Variants in ZNF385D observed in about 807,000 individuals in gnomAD.
ZNF385D encodes zinc finger protein 659.
In ZNF385D, 15 loss-of-function variants were observed where a neutral mutation model predicts 35.8. The ratio of observed to expected loss-of-function variants is 0.42; its 90% CI spans 0.28 to 0.64. The LOEUF (loss-of-function observed/expected upper bound fraction) is 0.64. Among genes scored for constraint, ZNF385D ranks in the 30% least tolerant of loss-of-function variants. ZNF385D has a pLI of 0.23. For missense variants in ZNF385D, 474 were observed against 494.6 expected (o/e 0.96, Z 0.39); for synonymous variants, 212 against 186.8 (o/e 1.13, Z -1.10).
chr3:21,449,532 G>C (rs977100341), intron 4 of ZNF385D, among the ~76,000 whole-genome samples: 1 of 152,104 alleles, frequency 6.6e-6, no homozygotes, highest in African/African-American at 2.4e-5. Context: ...TTGTATAGCT[G>C]TTTTTTATTA....
intron 3 of ZNF385D, among the ~76,000 whole-genome samples, chr3:22,122,766 G>C (rs998032174): frequency 7.2e-5 from 11 of 152,164 alleles, no homozygotes; most frequent in Non-Finnish European, 1.3e-4. Context: ...CATGCTAAAG[G>C]GGGTGAAGAA....
intron 1 of ZNF385D, among the ~76,000 whole-genome samples, chr3:21,706,171 C>T (rs1315567931): frequency 1.3e-5 from 2 of 152,118 alleles, no homozygotes; most frequent in Non-Finnish European, 2.9e-5. Context: ...AGGACAAAAA[C>T]AGAACAGATT....
chr3:21,700,816 G>C (rs1249734232), intron 1 of ZNF385D, among the ~76,000 whole-genome samples: 1 of 152,186 alleles, frequency 6.6e-6, no homozygotes, highest in Non-Finnish European at 1.5e-5. Flanking sequence ...AAATGTACAG[G>C]TAAGACATCC....
chr3:22,223,957 T>C lies in ZNF385D; in HGVS notation c.107-54922A>G, dbSNP rs1368725096. Among the ~76,000 whole-genome samples, 7 of 152,284 alleles carry C rather than the reference T, an allele frequency of 4.6e-5. No individual in the cohort carries two copies. In the East Asian group the frequency reaches 1.2e-3, roughly 25 times the overall value. On this transcript the variant is annotated intron_variant, in intron 2 of 5. Transcript: ENST00000494108. Reference sequence around the variant, plus strand: ...TGCCTATTTTATTCACCATCATACATGGCCTATTTCCAGCATTTGGTGCCT... The same window carrying C: ...TGCCTATTTTATTCACCATCATACACGGCCTATTTCCAGCATTTGGTGCCT...
At chr3:22,230,630 C>T (rs1559467059) in intron 2 of ZNF385D, among the ~76,000 whole-genome samples, 1 of 152,176 alleles carries the variant, frequency 6.6e-6, no homozygotes, top group Non-Finnish European at 1.5e-5. Context: ...TTCAACCCTA[C>T]ATTAATTGTT....
At chr3:21,749,012 C>G (rs1372766666) in intron 1 of ZNF385D, among the ~76,000 whole-genome samples, 1 of 152,056 alleles carries the variant, frequency 6.6e-6, no homozygotes, top group Non-Finnish European at 1.5e-5. Flanking sequence ...CCGAAAGAAA[C>G]AGCATTCCTG....
intron 4 of ZNF385D, among the ~76,000 whole-genome samples, chr3:21,495,362 C>G (rs904887513): frequency 4.0e-5 from 6 of 151,862 alleles, no homozygotes; most frequent in Admixed American, 2.0e-4. Flanking sequence ...ACATAAGTTC[C>G]AACAGCACAA....
chr3:22,172,367 T>C (rs910513598), intron 2 of ZNF385D, among the ~76,000 whole-genome samples: 1 of 152,256 alleles, frequency 6.6e-6, no homozygotes, highest in Non-Finnish European at 1.5e-5. Context: ...ACACATAAGA[T>C]GACTCATTTT....
intron 3 of ZNF385D, among the ~76,000 whole-genome samples, chr3:22,081,305 G>A (rs1346662414): frequency 6.6e-6 from 1 of 151,974 alleles, no homozygotes; most frequent in Non-Finnish European, 1.5e-5. Flanking sequence ...ATAGAACTGG[G>A]GATGCGAGCT....
At chr3:22,228,726 C>T (rs1698711276) in intron 2 of ZNF385D, among the ~76,000 whole-genome samples, 3 of 152,082 alleles carry the variant, frequency 2.0e-5, no homozygotes, top group Admixed American at 1.3e-4. Context: ...GAGTGGCAGA[C>T]CCACTCTCAA....
intron 3 of ZNF385D, among the ~76,000 whole-genome samples, chr3:21,794,152 A>C (rs2072045585): frequency 1.3e-5 from 2 of 152,142 alleles, no homozygotes; most frequent in South Asian, 4.1e-4. Context: ...TTCGTGACCA[A>C]GGAAGGCACC....
intron 2 of ZNF385D, among the ~76,000 whole-genome samples, chr3:22,304,987 T>A (rs551245050): frequency 6.6e-6 from 1 of 152,244 alleles, no homozygotes; most frequent in African/African-American, 2.4e-5. Flanking sequence ...CAGTGTCAAT[T>A]TTGCTTTTTA....
upstream of ZNF385D, among the ~76,000 whole-genome samples, chr3:21,754,573 A>G (rs1209768491): frequency 1.3e-5 from 2 of 152,108 alleles, no homozygotes; most frequent in East Asian, 3.9e-4. Flanking sequence ...CATCTCATTC[A>G]AATATTGCTC....
chr3:21,946,015 G>T (rs893998116), intron 3 of ZNF385D, among the ~76,000 whole-genome samples: 2 of 152,126 alleles, frequency 1.3e-5, no homozygotes, highest in African/African-American at 4.8e-5. Context: ...TTTACTTAAT[G>T]CAGTGTGCAT....
intron 3 of ZNF385D, among the ~76,000 whole-genome samples, chr3:21,918,776 A>G (rs1291049405): frequency 6.6e-6 from 1 of 152,100 alleles, no homozygotes; most frequent in African/African-American, 2.4e-5. Context: ...TGTTTAAGTC[A>G]CTTTATCTTC....
intron 2 of ZNF385D, among the ~76,000 whole-genome samples, chr3:22,329,541 CATAT>C (rs1575131180): frequency 6.6e-6 from 1 of 152,146 alleles, no homozygotes; most frequent in East Asian, 1.9e-4. Context: ...TTTGATGCTA[CATAT>C]ACCTAATCCC....
At chr3:21,684,503 AT>A (rs2067041167) in intron 1 of ZNF385D, among the ~76,000 whole-genome samples, 1 of 150,922 alleles carries the variant, frequency 6.6e-6, no homozygotes, top group Admixed American at 6.7e-5. Context: ...GACCATTTCA[AT>A]AACGGAACCC....
chr3:21,431,072 A>G (rs546078862), intron 5 of ZNF385D: 5 of 152,322 alleles, frequency 3.3e-5, no homozygotes, highest in Non-Finnish European at 4.4e-5. Context: ...CCTCAGTAGT[A>G]ACACATTTTC....
At chr3:21,909,604 G>T (rs757887950) in intron 3 of ZNF385D, among the ~76,000 whole-genome samples, 3 of 151,972 alleles carry the variant, frequency 2.0e-5, no homozygotes, top group Non-Finnish European at 4.4e-5. Context: ...CCAACTCAAG[G>T]TCCTGAATGG....
Sources: allele counts gnomAD v4.1 joint callset (sites outside exome capture counted in the v4.1 genomes callset), GRCh38; gene constraint gnomAD v4.1.1; transcripts MANE v1.5; gene names NCBI Gene and HGNC (gene_info 2026-07-23, HGNC 2026-07-21).